TMEM26: variants seen among roughly 807,000 people sequenced by gnomAD.
TMEM26 encodes the protein transmembrane protein 26.
In TMEM26, 38 loss-of-function variants were observed where a neutral mutation model predicts 28.8. That is an observed-to-expected ratio of 1.32 (90% CI 1.02 to 1.73). The LOEUF is 1.73. TMEM26 is among the 40% of genes most tolerant of loss of function. The probability of loss-of-function intolerance (pLI) is 0.00; values close to 1 mark genes in which losing one functional copy is unlikely to be tolerated. For missense variants in TMEM26, 518 were observed against 447.1 expected, an observed-to-expected ratio of 1.16 and a Z score of -1.43; for synonymous variants, 227 against 182.9, an observed-to-expected ratio of 1.24 and a Z score of -1.95.
intron 4 of TMEM26, among the ~76,000 whole-genome samples, chr10:61,420,179 G>A (rs1839720672): frequency 6.6e-6 from 1 of 152,066 alleles, no homozygotes; most frequent in South Asian, 2.1e-4. Flanking sequence ...GTAAGCTAGA[G>A]AAAAGAAAAT....
At chr10:61,421,992 A>G (rs1839757160) in intron 4 of TMEM26, among the ~76,000 whole-genome samples, 1 of 152,146 alleles carries the variant, frequency 6.6e-6, no homozygotes, top group Non-Finnish European at 1.5e-5. Context: ...CTCTATGCCA[A>G]CATAAGAAAG....
Position 61,410,336 on chromosome 10 carries a change from G to A in TMEM26, c.1093C>T (p.His365Tyr). 3 of 1,611,220 alleles carry A rather than the reference G, an allele frequency of 1.9e-6. No homozygotes were observed. Among genetic ancestry groups the A allele is most frequent in the Non-Finnish European group, 2.5e-6 (3 of 1,177,986 alleles). ...TCAATCAATAACTAAGGGGTGTGGT[G>A]GGAGTCGTCGGAGGTGACTGGGGAG... ...RGSPVTSDDS[H>Y]HTP The change falls in exon 6 of 6, where the codon CAC (histidine) becomes TAC (tyrosine). Residue 365 changes from histidine (H) to tyrosine (Y), a missense_variant. Coordinates refer to ENST00000399298, the MANE Select transcript of TMEM26 (RefSeq NM_178505.8).
rs554075368 is a variant in TMEM26, at chr10:61,446,126, C to A, written c.191+6765G>T. Among the ~76,000 whole-genome samples the A allele has an allele frequency of 2.5e-3, 378 of 152,282 alleles. 2 individuals are homozygous for A. The highest frequency in any genetic ancestry group is 8.0e-3 in the African/African-American group (332 of 41,558). ...TTTCTTGGAGCTCCCATTCTACTTG[C>A]AGACATAATTATTACATTGATCTGA... On this transcript the variant is annotated intron_variant, in intron 1 of 5. Transcript: ENST00000399298.
chr10:61,416,844 A>G (rs1310661824), intron 4 of TMEM26, among the ~76,000 whole-genome samples: 1 of 152,094 alleles, frequency 6.6e-6, no homozygotes, highest in Non-Finnish European at 1.5e-5. Flanking sequence ...CAGAATAGGG[A>G]TAAATGATAT....
chr10:61,406,727 G>T lies in TMEM26; in HGVS notation c.*3595C>A, dbSNP rs139525175. ...ATAGTATAAATATAAATACTGCAGA[G>T]AAAATATTCTTATATGGTATTCTAG... On this transcript the variant is annotated 3_prime_UTR_variant, in exon 6 of 6. Coordinates refer to ENST00000399298, the MANE Select transcript of TMEM26 (RefSeq NM_178505.8). The T allele has an allele frequency of 1.1e-4, 16 of 152,136 alleles. No individual in the cohort carries two copies. The highest frequency in any genetic ancestry group is 3.6e-4 in the African/African-American group (15 of 41,530). The allele number at this position is 152,136 out of a possible 1,614,324, so 9.4% of individuals were successfully genotyped here. A position where few individuals can be genotyped will look rare whatever the true frequency, so the allele number is the denominator to read the frequency against.
intron 5 of TMEM26, among the ~76,000 whole-genome samples, chr10:61,412,732 T>A (rs1288354510): frequency 1.3e-5 from 2 of 152,142 alleles, no homozygotes; most frequent in Non-Finnish European, 2.9e-5. Flanking sequence ...ACTTGAAAGG[T>A]GGCTAGTATG....
chr10:61,446,568 C>T, intron 1 of TMEM26, among the ~76,000 whole-genome samples: 1 of 151,976 alleles, frequency 6.6e-6, no homozygotes, highest in Non-Finnish European at 1.5e-5. Flanking sequence ...CGCCTGTAAT[C>T]CCAGCACTTT....
intron 1 of TMEM26, among the ~76,000 whole-genome samples, chr10:61,450,578 A>G (rs1159999483): frequency 2.6e-5 from 4 of 152,182 alleles, no homozygotes; most frequent in Admixed American, 2.6e-4. Context: ...TATTAATCAT[A>G]TTCCTATTTA....
intron 4 of TMEM26, among the ~76,000 whole-genome samples, chr10:61,416,280 G>C (rs184804402): frequency 6.6e-6 from 1 of 152,212 alleles, no homozygotes; most frequent in East Asian, 1.9e-4. Context: ...AGAAAGCAGT[G>C]GCAAAGCAGG....
intron 1 of TMEM26, among the ~76,000 whole-genome samples, chr10:61,446,434 C>T (rs1840181481): frequency 6.6e-6 from 1 of 152,110 alleles, no homozygotes; most frequent in Admixed American, 6.5e-5. Flanking sequence ...TAAAGCAGAT[C>T]ACACAAAACT....
chr10:61,436,124 A>T, intron 2 of TMEM26, 46 bp downstream of exon 2: 1 of 1,212,252 alleles, frequency 8.2e-7, no homozygotes, highest in Non-Finnish European at 1.2e-6. Context: ...CTGTGAAAGT[A>T]GCTTATTGCT....
At chr10:61,424,477 T>G (rs1336976295) in intron 4 of TMEM26, among the ~76,000 whole-genome samples, 2 of 152,196 alleles carry the variant, frequency 1.3e-5, no homozygotes, top group Admixed American at 6.6e-5. Context: ...AAGATGACAC[T>G]TCTTCCCAAA....
At chr10:61,444,880 C>T (rs1252601407) in intron 1 of TMEM26, among the ~76,000 whole-genome samples, 1 of 152,026 alleles carries the variant, frequency 6.6e-6, no homozygotes, top group Non-Finnish European at 1.5e-5. Flanking sequence ...CAAGCAGAGG[C>T]ATAAAGGCAC....
At chr10:61,424,061 C>T (rs1839792300) in intron 4 of TMEM26, among the ~76,000 whole-genome samples, 1 of 152,106 alleles carries the variant, frequency 6.6e-6, no homozygotes, top group South Asian at 2.1e-4. Flanking sequence ...CTTACTACTT[C>T]TATTTGACAT....
At chr10:61,424,388 A>T (rs1239877979) in intron 4 of TMEM26, among the ~76,000 whole-genome samples, 1 of 152,174 alleles carries the variant, frequency 6.6e-6, no homozygotes, top group Non-Finnish European at 1.5e-5. Flanking sequence ...ATTACAAAAC[A>T]TTGCTGAGAG....
chr10:61,453,083 C>T lies in TMEM26; in HGVS notation c.-2G>A. ...GTTAAGGAAGACCAGTCCCTCCATG[C>T]TGGCCGGAGCACTCTGCCTACGTCC... On this transcript the variant is annotated 5_prime_UTR_variant, in exon 1 of 6. Coordinates refer to ENST00000399298, the MANE Select transcript of TMEM26 (RefSeq NM_178505.8). The T allele has an allele frequency of 2.5e-6, 4 of 1,611,152 alleles. No individual in the cohort carries two copies. The highest frequency in any genetic ancestry group is 3.4e-6 in the Non-Finnish European group (4 of 1,178,742).
At chr10:61,439,756 T>C (rs1210254503) in intron 1 of TMEM26, among the ~76,000 whole-genome samples, 1 of 152,124 alleles carries the variant, frequency 6.6e-6, no homozygotes, top group Non-Finnish European at 1.5e-5. Context: ...ATGTATGCAA[T>C]GAGATTGACA....
At chr10:61,435,460 T>C (rs1839988717) in intron 2 of TMEM26, among the ~76,000 whole-genome samples, 1 of 152,168 alleles carries the variant, frequency 6.6e-6, no homozygotes, top group African/African-American at 2.4e-5. Flanking sequence ...ATTATAGGCA[T>C]GAGCCACCAC....
At chr10:61,436,538 C>T (rs1840011700) in intron 1 of TMEM26, among the ~76,000 whole-genome samples, 1 of 152,154 alleles carries the variant, frequency 6.6e-6, no homozygotes, top group African/African-American at 2.4e-5. Flanking sequence ...TAATGGGACA[C>T]TGCCAATTAG....
Sources: gnomAD v4.1 joint callset for allele counts (sites outside exome capture counted in the v4.1 genomes callset) on GRCh38, gnomAD v4.1.1 for gene constraint, MANE v1.5 for transcripts, NCBI Gene and HGNC (gene_info 2026-07-23, HGNC 2026-07-21) for gene names.